CPXCR1: variants seen among roughly 807,000 people sequenced by gnomAD.
CPXCR1 encodes the protein CPX chromosomal region candidate gene 1 protein.
A neutral mutation model predicts 13.8 loss-of-function variants in CPXCR1; 15 were observed. The observed-to-expected ratio is 1.09, with a 90% CI of 0.73 to 1.67. The LOEUF is 1.67. Among genes scored for constraint, CPXCR1 ranks in the 40% most tolerant of loss-of-function variants. The pLI, the probability that CPXCR1 is intolerant of heterozygous loss-of-function variation, is 0.00. For missense variants in CPXCR1, 247 were observed against 223.6 expected (o/e 1.10, Z -0.67); for synonymous variants, 70 against 76.7 (o/e 0.91, Z 0.46).
intron 2 of CPXCR1, among the ~76,000 whole-genome samples, chrX:88,751,723 C>A (rs1924923188): frequency 9.0e-6 from 1 of 110,767 alleles, no homozygotes; most frequent in African/African-American, 3.3e-5. Flanking sequence ...TAATATCAAA[C>A]TCTGAAAAAA....
chrX:88,749,150 A>G (rs948515634), intron 1 of CPXCR1, among the ~76,000 whole-genome samples, 168 bp from the exon 2 acceptor site: 3 of 97,230 alleles, frequency 3.1e-5, no homozygotes, highest in Admixed American at 1.2e-4. Context: ...CTTATATACA[A>G]ACCTATTTCA....
Position 88,754,057 on chromosome X carries a change from G to A in CPXCR1, c.643G>A (p.Gly215Arg). 1.7e-6 allele frequency: 2 copies of A among 1,210,980 alleles called. No individual in the cohort carries two copies. The highest frequency in any genetic ancestry group is 4.4e-5 in the Admixed American group (2 of 45,904). The change falls in exon 3 of 3, where the codon GGA (glycine) becomes AGA (arginine). Residue 215 changes from glycine to arginine, a missense_variant. By Grantham distance (125) the Gly-to-Arg change is moderately radical. Coordinates refer to ENST00000276127, the MANE Select transcript of CPXCR1 (RefSeq NM_033048.6). ...TCCCCTCACTGAGAGAATGACATCAGGAAAATTTTGCAAATCAACTGACAC... is the reference window on the plus strand; with the variant it reads ...TCCCCTCACTGAGAGAATGACATCAAGAAAATTTTGCAAATCAACTGACAC... ...YRPLTERMTS[G>R]KFCKSTDTKG... is the part of the protein sequence containing the mutation.
Position 88,754,506 on chromosome X carries a change from C to T in CPXCR1, c.*186C>T. The stretch of plus-strand genomic sequence containing the variant: ...GGGAGTGAGGAAACATCTGTTTATA[C>T]TTTGCTTTTACAAGTACATCATTGA... On this transcript the variant is annotated 3_prime_UTR_variant, in exon 3 of 3. Transcript: ENST00000276127. 1 of 348,133 alleles carries T rather than the reference C, an allele frequency of 2.9e-6. No homozygotes were observed. The highest frequency in any genetic ancestry group is 5.1e-6 in the Non-Finnish European group (1 of 195,766). The allele number at this position is 348,133 out of a possible 1,213,427, so 28.7% of individuals were successfully genotyped here.
chrX:88,753,877 C>G lies in CPXCR1; in HGVS notation c.463C>G (p.Leu155Val). The G allele has an allele frequency of 8.3e-7, 1 of 1,209,072 alleles. No individual in the cohort carries two copies. The highest frequency in any genetic ancestry group is 1.1e-6 in the Non-Finnish European group (1 of 893,111). ...TGAGATAAGAAGTATGATTCTCCATCTGCTATGTGATAGATATTTCTCTCA... is the reference window on the plus strand; with the variant it reads ...TGAGATAAGAAGTATGATTCTCCATGTGCTATGTGATAGATATTTCTCTCA... ...SHEIRSMILH[L>V]LCDRYFSQAA... Residue 155 changes from leucine to valine, a missense_variant, in exon 3 of 3, where the codon CTG (leucine) becomes GTG (valine). Physicochemically the swap from Leu to Val is conservative, Grantham distance 32. Coordinates refer to ENST00000276127, the MANE Select transcript of CPXCR1 (RefSeq NM_033048.6).
At chrX:88,753,263 G>C (rs763214361) in intron 2 of CPXCR1, 144 bp from the exon 3 acceptor site, 94 of 339,493 alleles carry the variant, frequency 2.8e-4, no homozygotes, top group African/African-American at 2.4e-3. Context: ...CTGTGGGTTT[G>C]TGACTCTGAT....
At chrX:88,750,798 T>G (rs1924896716) in intron 2 of CPXCR1, among the ~76,000 whole-genome samples, 2 of 111,631 alleles carry the variant, frequency 1.8e-5, no homozygotes, top group Non-Finnish European at 3.8e-5. Context: ...TGGTTTAGAC[T>G]TGGGAGGGTG....
chrX:88,747,768 A>C (rs1019458561), intron 1 of CPXCR1, among the ~76,000 whole-genome samples: 1 of 111,852 alleles, frequency 8.9e-6, no homozygotes, highest in African/African-American at 3.2e-5. Flanking sequence ...GTTTGTCAGC[A>C]GGGAAAGATG....
chrX:88,748,933 TTTA>T (rs1343288327), intron 1 of CPXCR1, among the ~76,000 whole-genome samples: 1 of 108,504 alleles, frequency 9.2e-6, no homozygotes, highest in Non-Finnish European at 1.9e-5. Flanking sequence ...TTTTTTAAAT[TTTA>T]TTATTATTAT....
At chrX:88,749,867 T>G (rs1162330075) in intron 2 of CPXCR1, among the ~76,000 whole-genome samples, 1 of 107,956 alleles carries the variant, frequency 9.3e-6, no homozygotes, top group Admixed American at 1.0e-4. Context: ...GAGATAAACT[T>G]CAATTGTGAT....
Position 88,754,177 on chromosome X carries a change from G to A in CPXCR1, c.763G>A (p.Asp255Asn). Residue 255 changes from aspartate (D) to asparagine (N), a missense_variant, in exon 3 of 3, where the codon GAT (aspartate) becomes AAT (asparagine). Asp to Asn is a conservative substitution (Grantham distance 23). Transcript: ENST00000276127. Reference sequence around the variant, plus strand: ...TATTTTTAATATAAAAGGTTTTGTGGATATATTGACATATATCCATACCAT... The same window carrying A: ...TATTTTTAATATAAAAGGTTTTGTGAATATATTGACATATATCCATACCAT... ...ESIFNIKGFV[D>N]ILTYIHTMNV... 8.4e-7 allele frequency: 1 copy of A among 1,192,235 alleles called. No homozygotes were observed. The highest frequency in any genetic ancestry group is 1.1e-6 in the Non-Finnish European group (1 of 879,927).
Position 88,754,341 on chromosome X carries a change from T to C in CPXCR1, c.*21T>C. 1.0e-6 allele frequency: 1 copy of C among 983,639 alleles called. No individual in the cohort carries two copies. The highest frequency in any genetic ancestry group is 1.4e-6 in the Non-Finnish European group (1 of 729,296). 81.1% of individuals were successfully genotyped at this position (983,639 alleles called of 1,213,427 possible). A position where few individuals can be genotyped will look rare whatever the true frequency, so the allele number is the denominator to read the frequency against. Reference sequence around the variant, plus strand: ...ATTAAATTAAATTGGGGTAAATTCATTTTAAAATATAACTTCTAAAATTCA... The same window carrying C: ...ATTAAATTAAATTGGGGTAAATTCACTTTAAAATATAACTTCTAAAATTCA... On this transcript the variant is annotated 3_prime_UTR_variant, in exon 3 of 3. Coordinates refer to ENST00000276127, the MANE Select transcript of CPXCR1 (RefSeq NM_033048.6).
intron 1 of CPXCR1, among the ~76,000 whole-genome samples, chrX:88,749,104 G>A (rs1924852572): frequency 1.7e-5 from 1 of 59,392 alleles, no homozygotes; most frequent in Non-Finnish European, 2.9e-5. Context: ...AACAGTCCCC[G>A]GTGTGTGATG....
chrX:88,747,473 T>C (rs1224353272), intron 1 of CPXCR1, 104 bp downstream of exon 1: 1 of 112,248 alleles, frequency 8.9e-6, no homozygotes, highest in Non-Finnish European at 1.9e-5. Flanking sequence ...GTAGATCTTA[T>C]TCTGAGAGTT....
rs762225008 is a variant in CPXCR1 at position 88,753,758 on chromosome X, G to A, written c.344G>A (p.Gly115Glu). 7 of 1,207,749 alleles carry A rather than the reference G, an allele frequency of 5.8e-6. No homozygotes were observed. In the East Asian group the frequency reaches 2.1e-4, roughly 36 times the overall value. Reference protein sequence around the residue: ...PLNDRSRSHSGKVEMKANNFP... With the variant: ...PLNDRSRSHSEKVEMKANNFP... ...AATGATAGATCAAGATCCCACTCAG[G>A]GAAAGTTGAGATGAAAGCAAACAAT... is the stretch of plus-strand genomic sequence containing the variant. The change falls in exon 3 of 3, where the codon GGG becomes GAG. Residue 115 changes from glycine (G) to glutamate (E), a missense_variant. Gly to Glu is a moderately conservative substitution (Grantham distance 98, BLOSUM62 -2). Coordinates refer to ENST00000276127, the MANE Select transcript of CPXCR1 (RefSeq NM_033048.6).
At chrX:88,750,241 C>T (rs905811242) in intron 2 of CPXCR1, among the ~76,000 whole-genome samples, 1 of 111,250 alleles carries the variant, frequency 9.0e-6, no homozygotes, top group Middle Eastern at 4.6e-3. Context: ...TTTTGAGATA[C>T]GTTTCATCGA....
At chrX:88,748,734 G>T (rs755365984) in intron 1 of CPXCR1, among the ~76,000 whole-genome samples, 1 of 109,840 alleles carries the variant, frequency 9.1e-6, no homozygotes, top group Non-Finnish European at 1.9e-5. Context: ...ACATAGTTGA[G>T]TGACATAAAT....
chrX:88,750,110 T>G (rs1421577166), intron 2 of CPXCR1, among the ~76,000 whole-genome samples: 5 of 111,315 alleles, frequency 4.5e-5, no homozygotes, highest in Non-Finnish European at 9.4e-5. Flanking sequence ...CAATGCTATT[T>G]TGAATGGGAG....
Position 88,753,624 on chromosome X carries a change from C to T in CPXCR1, c.210C>T (p.Ser70=), listed in dbSNP as rs769799304. 2.0e-4 allele frequency: 242 copies of T among 1,202,979 alleles called. 2 individuals are homozygous for T. In the South Asian group the frequency reaches 3.7e-3, roughly 18 times the overall value. ...EDVVPQAAEN[S]ELETEIQKDQ... is the part of the protein sequence containing the mutation. ...TTGTTCCTCAAGCAGCAGAAAACAG[C>T]GAGCTCGAAACAGAGATCCAAAAAG... The change falls in exon 3 of 3, where the codon AGC becomes AGT. Residue 70 remains serine, a synonymous_variant. Transcript: ENST00000276127.
At chrX:88,750,778 G>A (rs769787976) in intron 2 of CPXCR1, among the ~76,000 whole-genome samples, 4 of 111,280 alleles carry the variant, frequency 3.6e-5, no homozygotes, top group Non-Finnish European at 7.5e-5. Flanking sequence ...TCACGGATTC[G>A]ACTTCTTCCT....
Sources: gnomAD v4.1 joint callset for allele counts (sites outside exome capture counted in the v4.1 genomes callset) on GRCh38, gnomAD v4.1.1 for gene constraint, MANE v1.5 for transcripts, NCBI Gene and HGNC (gene_info 2026-07-23, HGNC 2026-07-21) for gene names.